SLC16A5: variants seen among roughly 807,000 people sequenced by gnomAD.
SLC16A5 encodes monocarboxylate transporter 6.
In SLC16A5, 29 loss-of-function variants were observed where a neutral mutation model predicts 33.2. That is an observed-to-expected ratio of 0.87 (90% CI 0.65 to 1.19). The LOEUF is 1.19. Ranked by LOEUF, SLC16A5 falls within the 50% of genes most tolerant of loss-of-function variation. SLC16A5 has a pLI of 0.00. For missense variants in SLC16A5, 606 were observed against 678.2 expected (o/e 0.89, Z 1.18); for synonymous variants, 248 against 284.1 (o/e 0.87, Z 1.28).
intron 2 of SLC16A5, among the ~76,000 whole-genome samples, chr17:75,089,615 A>C: frequency 6.6e-6 from 1 of 151,988 alleles, no homozygotes; most frequent in Non-Finnish European, 1.5e-5. Context: ...TTAGCCAGGC[A>C]TAGTGGCGTG....
At chr17:75,093,172 G>C in intron 2 of SLC16A5, 1 of 534,704 alleles carries the variant, frequency 1.9e-6, no homozygotes, top group South Asian at 2.5e-5. Flanking sequence ...TGTATCCTTG[G>C]GTGCATTTGG....
chr17:75,100,904 G>A, intron 5 of SLC16A5, 88 bp downstream of exon 5: 3 of 1,291,968 alleles, frequency 2.3e-6, no homozygotes, highest in Non-Finnish European at 3.1e-6. Context: ...CATCTCCAGA[G>A]GTTGTGCTAC....
At chr17:75,093,161 G>C (rs866913130) in intron 2 of SLC16A5, 13 of 520,138 alleles carry the variant, frequency 2.5e-5, no homozygotes, top group South Asian at 1.1e-4. Flanking sequence ...GGGCAGGAGG[G>C]TGTATCCTTG....
At chr17:75,108,084 G>A, downstream of SLC16A5, among the ~76,000 whole-genome samples, 1 of 152,194 alleles carries the variant, frequency 6.6e-6, no homozygotes, top group South Asian at 2.1e-4. Context: ...CCTGGCGACA[G>A]AGCGAGACTC....
intron 6 of SLC16A5, chr17:75,105,232 C>G (rs1476237233): frequency 5.1e-6 from 5 of 985,302 alleles, no homozygotes; most frequent in Non-Finnish European, 6.0e-6. Flanking sequence ...GTCTGAGGGC[C>G]CCCCTGCAGT....
chr17:75,103,895 C>T (rs1357689842), intron 5 of SLC16A5, 75 bp from the exon 6 acceptor site: 18 of 1,310,084 alleles, frequency 1.4e-5, no homozygotes, highest in Non-Finnish European at 1.7e-5. Context: ...AATAAAATAC[C>T]TGCTGTCAGG....
At chr17:75,107,660 C>T (rs1245294071), downstream of SLC16A5, among the ~76,000 whole-genome samples, 2 of 151,704 alleles carry the variant, frequency 1.3e-5, no homozygotes, top group South Asian at 2.1e-4. Context: ...AAAATTAGGC[C>T]GGGCGCAGTG....
intron 6 of SLC16A5, chr17:75,104,521 G>A (rs1217873400): frequency 3.0e-6 from 3 of 996,426 alleles, no homozygotes; most frequent in Non-Finnish European, 3.7e-6. Context: ...CCAAGTTCAA[G>A]GGATTCTCCT....
chr17:75,100,905 G>A, intron 5 of SLC16A5, 89 bp downstream of exon 5: 1 of 1,283,714 alleles, frequency 7.8e-7, no homozygotes, highest in South Asian at 1.5e-5. Context: ...ATCTCCAGAG[G>A]TTGTGCTACA....
At chr17:75,103,872 C>A in intron 5 of SLC16A5, 98 bp from the exon 6 acceptor site, 1 of 1,051,684 alleles carries the variant, frequency 9.5e-7, no homozygotes, top group Non-Finnish European at 1.4e-6. Flanking sequence ...ATTCCTAGTA[C>A]AGCAGAGACA....
intron 4 of SLC16A5, among the ~76,000 whole-genome samples, chr17:75,099,731 G>A (rs1280900785): frequency 6.6e-6 from 1 of 152,146 alleles, no homozygotes; most frequent in South Asian, 2.1e-4. Context: ...GAGCCACCGC[G>A]CTCGGCCCAA....
intron 2 of SLC16A5, 85 bp downstream of exon 2, chr17:75,089,389 G>C (rs1294098076): frequency 6.6e-6 from 1 of 152,210 alleles, no homozygotes; most frequent in African/African-American, 2.4e-5. Flanking sequence ...AGTGTGGAAG[G>C]GGTAGCAGGG....
At chr17:75,110,077 C>A, downstream of SLC16A5, 1 of 556,390 alleles carries the variant, frequency 1.8e-6, no homozygotes, top group South Asian at 2.3e-5. Context: ...TCAAACGCAA[C>A]TCCTACAGGA....
intron 6 of SLC16A5, chr17:75,104,740 G>A (rs944407512): frequency 1.7e-5 from 17 of 985,042 alleles, no homozygotes; most frequent in Non-Finnish European, 1.8e-5. Context: ...GTGAGCCACC[G>A]TGCCCAGCCA....
rs756349739 is a variant in SLC16A5, at chr17:75,100,836, G to A, written c.1153+20G>A. ...TGGCCGGTGAGGAGCTGGGAGGGAG[G>A]GCAGCCAGATAGTGTGGTAAAAGGG... On this transcript the variant is annotated intron_variant, in intron 5 of 6. Transcript: ENST00000329783. 6.4e-7 allele frequency: 1 copy of A among 1,550,902 alleles called. No individual in the cohort carries two copies. The highest frequency in any genetic ancestry group is 1.2e-5 in the South Asian group (1 of 85,296).
chr17:75,099,581 G>C (rs1045933734), intron 4 of SLC16A5, among the ~76,000 whole-genome samples: 2 of 152,124 alleles, frequency 1.3e-5, no homozygotes, highest in Non-Finnish European at 2.9e-5. Context: ...AGCTATTACA[G>C]ACTACAGGCG....
intron 5 of SLC16A5, among the ~76,000 whole-genome samples, chr17:75,101,102 A>G (rs1347041492): frequency 6.6e-6 from 1 of 151,178 alleles, no homozygotes; most frequent in African/African-American, 2.4e-5. Context: ...CAAAAAAATT[A>G]GTTGGGCGTT....
intron 5 of SLC16A5, among the ~76,000 whole-genome samples, chr17:75,103,700 G>A (rs1013464346): frequency 6.6e-6 from 1 of 152,132 alleles, no homozygotes; most frequent in Non-Finnish European, 1.5e-5. Context: ...CTGGAGGGTG[G>A]GTGAGCAAAT....
rs558085253 is a variant in SLC16A5, at chr17:75,096,680, C to T, written c.200-1358C>T. Among the ~76,000 whole-genome samples, 154 of 150,732 alleles carry T rather than the reference C, an allele frequency of 1.0e-3. 1 individual carries two copies. In the South Asian group the frequency reaches 0.011, roughly 11 times the overall value. ...CTAGTAGCTTGGAATTACAGGCATG[C>T]GCCACCACACCTGGCTAATTTTTGT... is the stretch of plus-strand genomic sequence containing the variant. On this transcript the variant is annotated intron_variant, in intron 3 of 6. Transcript: ENST00000329783.
Sources: gnomAD v4.1 joint callset for allele counts (sites outside exome capture counted in the v4.1 genomes callset) on GRCh38, gnomAD v4.1.1 for gene constraint, MANE v1.5 for transcripts, NCBI Gene and HGNC (gene_info 2026-07-23, HGNC 2026-07-21) for gene names.